Variants in MPRIP observed in about 807,000 individuals in gnomAD.
The protein encoded by MPRIP is myosin phosphatase Rho-interacting protein.
MPRIP carries 59 observed loss-of-function variants against 234.9 expected under a neutral mutation model. The observed-to-expected ratio is 0.25, with a 90% CI of 0.20 to 0.31. MPRIP has a LOEUF of 0.31. MPRIP is among the 10% of genes least tolerant of loss of function. The probability of loss-of-function intolerance (pLI) is 1.00; values close to 1 mark genes in which losing one functional copy is unlikely to be tolerated. For synonymous variants in MPRIP, 1,144 were observed against 1,263.9 expected, an observed-to-expected ratio of 0.91 and a Z score of 2.01; for missense variants, 2,436 against 3,071.0, an observed-to-expected ratio of 0.79 and a Z score of 4.89.
intron 3 of MPRIP, among the ~76,000 whole-genome samples, chr17:17,080,190 T>C (rs2089430474): frequency 6.6e-6 from 1 of 152,210 alleles, no homozygotes; most frequent in African/African-American, 2.4e-5. Flanking sequence ...GGTTTCCCTG[T>C]TGTATCAGGA....
chr17:17,156,613 C>T (rs1349991539), intron 13 of MPRIP, among the ~76,000 whole-genome samples: 1 of 152,210 alleles, frequency 6.6e-6, no homozygotes, highest in Non-Finnish European at 1.5e-5. Context: ...GCCTTTGGCA[C>T]TAGAGGAGCC....
chr17:17,123,265 A>G (rs1032864893), intron 3 of MPRIP, among the ~76,000 whole-genome samples: 14 of 152,222 alleles, frequency 9.2e-5, no homozygotes, highest in Admixed American at 5.9e-4. Context: ...AATGTTCTGC[A>G]CTTGATTGCA....
chr17:17,079,007 CAG>C (rs1282444838), intron 3 of MPRIP, among the ~76,000 whole-genome samples: 1 of 152,164 alleles, frequency 6.6e-6, no homozygotes, highest in African/African-American at 2.4e-5. Flanking sequence ...AGGGGCGAGA[CAG>C]ACTCTGGAAG....
chr17:17,061,258 A>T (rs1244652762), intron 1 of MPRIP, among the ~76,000 whole-genome samples: 2 of 152,202 alleles, frequency 1.3e-5, no homozygotes, highest in African/African-American at 4.8e-5. Flanking sequence ...CTTACATCAG[A>T]ATGTCCCAGA....
intron 12 of MPRIP, among the ~76,000 whole-genome samples, chr17:17,150,914 T>C (rs1012885932): frequency 2.6e-5 from 4 of 151,962 alleles, no homozygotes; most frequent in Non-Finnish European, 4.4e-5. Flanking sequence ...GGCACAATCA[T>C]GGCTCACTGC....
intron 6 of MPRIP, among the ~76,000 whole-genome samples, chr17:17,136,694 C>G (rs2090708207): frequency 6.6e-6 from 1 of 152,264 alleles, no homozygotes; most frequent in Non-Finnish European, 1.5e-5. Context: ...AGCTCCTGTT[C>G]TGTCAGCCCC....
In MPRIP at chr17:17,187,110, A is replaced by C. The variant is rs2046491067; in HGVS notation, c.*2216A>C. On this transcript the variant is annotated 3_prime_UTR_variant, in exon 24 of 24. Transcript: ENST00000651222. ...TTCTGCCCTCCAGGGGGTTCTGGCCAGAGTCCATGCTTGGAGACAGGATCA... is the reference window on the plus strand; with the variant it reads ...TTCTGCCCTCCAGGGGGTTCTGGCCCGAGTCCATGCTTGGAGACAGGATCA... The C allele has an allele frequency of 1.3e-5, 2 of 152,344 alleles. No homozygotes were observed. The highest frequency in any genetic ancestry group is 1.3e-4 in the Admixed American group (2 of 15,290). 9.4% of individuals were successfully genotyped at this position (152,344 alleles called of 1,614,324 possible). A position where few individuals can be genotyped will look rare whatever the true frequency, so the allele number is the denominator to read the frequency against.
chr17:17,061,161 C>A (rs1048785901), intron 1 of MPRIP, among the ~76,000 whole-genome samples: 1 of 152,240 alleles, frequency 6.6e-6, no homozygotes, highest in Non-Finnish European at 1.5e-5. Flanking sequence ...TGCAGTCCAT[C>A]TGGGTGGCCA....
At chr17:17,049,645 C>G (rs981772179) in intron 1 of MPRIP, among the ~76,000 whole-genome samples, 1 of 152,174 alleles carries the variant, frequency 6.6e-6, no homozygotes. Context: ...AATCCCGGAG[C>G]CTTTTACTCA....
chr17:17,173,853 C>T (rs558752101), intron 18 of MPRIP, 63 bp from the exon 19 acceptor site: 19 of 1,591,934 alleles, frequency 1.2e-5, no homozygotes, highest in African/African-American at 1.1e-4. Context: ...CAAGGAGGGA[C>T]ACCGGCCTCT....
At chr17:17,100,025 T>C (rs1164064425) in intron 3 of MPRIP, among the ~76,000 whole-genome samples, 1 of 152,180 alleles carries the variant, frequency 6.6e-6, no homozygotes, top group African/African-American at 2.4e-5. Flanking sequence ...TGTGGTGGTC[T>C]CCTCCTGGGA....
chr17:17,139,852 G>A (rs1428513364), intron 7 of MPRIP, among the ~76,000 whole-genome samples: 1 of 152,196 alleles, frequency 6.6e-6, no homozygotes, highest in African/African-American at 2.4e-5. Context: ...CCTGCCTAGT[G>A]CCCCAGGGTG....
chr17:17,111,124 T>C (rs1320432581), intron 3 of MPRIP, among the ~76,000 whole-genome samples: 14 of 136,210 alleles, frequency 1.0e-4, no homozygotes, highest in African/African-American at 3.9e-4. Context: ...ATTCTGAAAT[T>C]AAAAGGTTAT....
intron 1 of MPRIP, chr17:17,057,738 C>T (rs112069931): frequency 1.4e-6 from 1 of 716,582 alleles, no homozygotes; most frequent in African/African-American, 1.7e-5. Flanking sequence ...AGCTATGAGA[C>T]CACCCTGACC....
chr17:17,063,911 C>T (rs56009207), intron 1 of MPRIP, among the ~76,000 whole-genome samples: 12,426 of 152,246 alleles, frequency 0.082, 714 homozygotes, highest in East Asian at 0.16. Flanking sequence ...CCTGGCCACC[C>T]GCTTGGGGCA....
At chr17:17,073,409 G>T (rs1181545242) in intron 1 of MPRIP, among the ~76,000 whole-genome samples, 1 of 152,206 alleles carries the variant, frequency 6.6e-6, no homozygotes, top group African/African-American at 2.4e-5. Flanking sequence ...CAGGGCTCGG[G>T]TTCTGAGGGA....
At chr17:17,112,610 T>A (rs1017775702) in intron 3 of MPRIP, among the ~76,000 whole-genome samples, 13 of 152,140 alleles carry the variant, frequency 8.5e-5, no homozygotes, top group African/African-American at 3.1e-4. Flanking sequence ...GTCATCTGCA[T>A]GGTTCATCGC....
intron 12 of MPRIP, among the ~76,000 whole-genome samples, chr17:17,152,594 G>A (rs1319311201): frequency 2.6e-5 from 4 of 152,212 alleles, no homozygotes; most frequent in Non-Finnish European, 4.4e-5. Context: ...GTGAAAGCAT[G>A]TCCCAGACTG....
In MPRIP at chr17:17,164,985, C is replaced by T. The variant is rs974771671; in HGVS notation, c.3394C>T (p.Arg1132Trp). Residue 1132 changes from arginine (R) to tryptophan (W), a missense_variant, in exon 16 of 24, where the codon CGG becomes TGG. Transcript: ENST00000651222. ...ATSDEDVAEL[R>W]EKLRRREADN... ...GTCCGACGAGGATGTGGCTGAGCTC[C>T]GGGAAAAGCTGAGGAGAAGAGAGGC... The T allele has an allele frequency of 2.4e-5, 31 of 1,302,384 alleles. No individual in the cohort carries two copies. The African/African-American group carries it at 2.9e-4, about 12-fold the overall frequency. The allele number at this position is 1,302,384 out of a possible 1,614,324, so 80.7% of individuals were successfully genotyped here.
Sources: gnomAD v4.1 joint callset for allele counts (sites outside exome capture counted in the v4.1 genomes callset) on GRCh38, gnomAD v4.1.1 for gene constraint, MANE v1.5 for transcripts, NCBI Gene and HGNC (gene_info 2026-07-23, HGNC 2026-07-21) for gene names.